STPG2: variants seen among roughly 807,000 people sequenced by gnomAD.
STPG2 encodes the protein sperm-tail PG-rich repeat-containing protein 2.
In STPG2, 56 loss-of-function variants were observed where a neutral mutation model predicts 54.2. The ratio of observed to expected loss-of-function variants is 1.03; its 90% CI spans 0.83 to 1.29. STPG2 has a LOEUF of 1.29. Among genes scored for constraint, STPG2 ranks in the 50% most tolerant of loss-of-function variants. The pLI is 0.00. For synonymous variants in STPG2, 200 were observed against 181.8 expected, an observed-to-expected ratio of 1.10 and a Z score of -0.81; for missense variants, 596 against 544.9, an observed-to-expected ratio of 1.09 and a Z score of -0.93.
intron 8 of STPG2, among the ~76,000 whole-genome samples, chr4:97,899,262 C>G (rs1022990339): frequency 6.6e-6 from 1 of 151,834 alleles, no homozygotes; most frequent in African/African-American, 2.4e-5. Context: ...ATACAACTAA[C>G]CAGAGAGGTG....
intron 9 of STPG2, among the ~76,000 whole-genome samples, chr4:97,830,286 C>A (rs906529069): frequency 1.5e-4 from 23 of 152,076 alleles, no homozygotes; most frequent in African/African-American, 5.1e-4. Flanking sequence ...GTTTCATAAG[C>A]AAAAGAGAAA....
chr4:97,954,312 T>C (rs994273854), intron 7 of STPG2, among the ~76,000 whole-genome samples: 1 of 152,194 alleles, frequency 6.6e-6, no homozygotes, highest in Non-Finnish European at 1.5e-5. Flanking sequence ...GAGCTACTGG[T>C]GTGCAGGTGC....
chr4:98,066,925 T>C (rs991877641), intron 5 of STPG2, among the ~76,000 whole-genome samples: 2 of 152,210 alleles, frequency 1.3e-5, no homozygotes, highest in Non-Finnish European at 2.9e-5. Flanking sequence ...ATATAATATG[T>C]ATTCAGAAAC....
chr4:97,699,091 A>G (rs1723681683), intron 10 of STPG2, among the ~76,000 whole-genome samples: 1 of 152,170 alleles, frequency 6.6e-6, no homozygotes. Context: ...TCAACCTGCT[A>G]CCAGGTAGTT....
chr4:97,529,542 G>A (rs533960226), intron 4 of STPG2, among the ~76,000 whole-genome samples: 114 of 152,166 alleles, frequency 7.5e-4, no homozygotes, highest in African/African-American at 2.6e-3. Context: ...GTTTGGAATC[G>A]TTTCAGCAGG....
intron 4 of STPG2, among the ~76,000 whole-genome samples, chr4:97,547,967 G>A (rs1414816342): frequency 6.6e-6 from 1 of 151,948 alleles, no homozygotes; most frequent in Non-Finnish European, 1.5e-5. Context: ...CCTGACCAAC[G>A]TGGAGAAACC....
chr4:97,520,280 A>G (rs932692244), intron 4 of STPG2, among the ~76,000 whole-genome samples: 1 of 152,084 alleles, frequency 6.6e-6, no homozygotes, highest in Non-Finnish European at 1.5e-5. Flanking sequence ...TTACATCCTC[A>G]GTAGTCTACA....
At chr4:98,090,183 G>A (rs1738644568) in intron 5 of STPG2, among the ~76,000 whole-genome samples, 1 of 152,016 alleles carries the variant, frequency 6.6e-6, no homozygotes, top group Admixed American at 6.6e-5. Flanking sequence ...ATGGTTTCAG[G>A]TCTTAAATTT....
intron 8 of STPG2, among the ~76,000 whole-genome samples, chr4:97,900,090 C>A (rs915856406): frequency 6.6e-6 from 1 of 151,940 alleles, no homozygotes; most frequent in Non-Finnish European, 1.5e-5. Context: ...AAAAACAACC[C>A]CATTAAAAAG....
At chr4:97,705,989 GTAC>G (rs1214745719) in intron 10 of STPG2, among the ~76,000 whole-genome samples, 6 of 152,066 alleles carry the variant, frequency 3.9e-5, no homozygotes, top group Non-Finnish European at 5.9e-5. Flanking sequence ...GTATAGATTT[GTAC>G]TACATTTATA....
chr4:97,935,603 T>C (rs925096312), intron 8 of STPG2, among the ~76,000 whole-genome samples: 8 of 152,160 alleles, frequency 5.3e-5, no homozygotes, highest in Admixed American at 5.2e-4. Context: ...TTGGTTTCAA[T>C]GAACTTCTTG....
chr4:97,922,670 T>G (rs553814306), intron 8 of STPG2, among the ~76,000 whole-genome samples: 18 of 152,334 alleles, frequency 1.2e-4, no homozygotes, highest in African/African-American at 4.3e-4. Context: ...TATTTATGCT[T>G]TGCCAGATGG....
intron 4 of STPG2, among the ~76,000 whole-genome samples, chr4:97,506,245 C>G (rs1256097250): frequency 6.6e-6 from 1 of 151,830 alleles, no homozygotes; most frequent in African/African-American, 2.4e-5. Flanking sequence ...TCTAGAGACT[C>G]TACAATTTTT....
At position 98,143,069 on chromosome 4, in the gene STPG2, C is replaced by A. The variant is rs1181557075; in HGVS notation, c.82G>T (p.Val28Leu). Reference sequence around the variant, plus strand: ...GTCGCCTGCTGCTTCAGGAAAGGTACCTGGTAGGATCCAGGACCCACATGG... The same window carrying A: ...GTCGCCTGCTGCTTCAGGAAAGGTAACTGGTAGGATCCAGGACCCACATGG... The part of the protein sequence containing the change: ...EAHVGPGSYQ[V>L]PFLKQQATGS... Residue 28 changes from valine (V) to leucine (L), a missense_variant, in exon 1 of 11, where the codon GTA becomes TTA. Coordinates refer to ENST00000295268, the MANE Select transcript of STPG2 (RefSeq NM_174952.3). The A allele has an allele frequency of 1.2e-6, 2 of 1,613,494 alleles. No individual in the cohort carries two copies. The highest frequency in any genetic ancestry group is 3.3e-5 in the Admixed American group (2 of 59,982).
At chr4:97,560,716 G>T (rs1024923502) in intron 10 of STPG2, among the ~76,000 whole-genome samples, 1 of 152,126 alleles carries the variant, frequency 6.6e-6, no homozygotes, top group African/African-American at 2.4e-5. Flanking sequence ...CTGGTAGCAT[G>T]GAACATTTGT....
In STPG2 at chr4:98,021,838, A is replaced by G. The variant is rs1354296962; in HGVS notation, c.613-40520T>C. Among the ~76,000 whole-genome samples, 9 of 151,424 alleles carry G rather than the reference A, an allele frequency of 5.9e-5. No homozygotes were observed. The East Asian group carries it at 1.7e-3, about 29-fold the overall frequency. ...TCTTTTATCAGAGACTAGGATTGCA[A>G]CCCCTGCCTTTTTTTGTTTTCCATT... On this transcript the variant is annotated intron_variant, in intron 5 of 10. Coordinates refer to ENST00000295268, the MANE Select transcript of STPG2 (RefSeq NM_174952.3).
chr4:97,866,529 G>GA (rs11464717), intron 8 of STPG2, among the ~76,000 whole-genome samples: 88,293 of 151,538 alleles, frequency 0.58, 26,281 homozygotes, highest in East Asian at 0.74. Context: ...AATTCTTTTT[G>GA]AAAAAAATCT....
chr4:98,097,016 G>T (rs1418669531), intron 5 of STPG2, among the ~76,000 whole-genome samples: 2 of 152,214 alleles, frequency 1.3e-5, no homozygotes, highest in South Asian at 2.1e-4. Context: ...GGACGTGATG[G>T]CTTCACTGCT....
At chr4:97,897,207 C>G (rs1444348422) in intron 8 of STPG2, among the ~76,000 whole-genome samples, 1 of 151,992 alleles carries the variant, frequency 6.6e-6, no homozygotes, top group African/African-American at 2.4e-5. Context: ...TGGCCTCCAG[C>G]TCCATCCATG....
Sources: gnomAD v4.1 joint callset for allele counts (sites outside exome capture counted in the v4.1 genomes callset) on GRCh38, gnomAD v4.1.1 for gene constraint, MANE v1.5 for transcripts, NCBI Gene and HGNC (gene_info 2026-07-23, HGNC 2026-07-21) for gene names.